The following PARN variants were observed in gnomAD, a reference collection of about 807,000 sequenced individuals.
PARN encodes the protein poly(A)-specific ribonuclease.
PARN carries 71 observed loss-of-function variants against 102.8 expected under a neutral mutation model. That is an observed-to-expected ratio of 0.69 (90% CI 0.57 to 0.84). PARN has a LOEUF of 0.84. Ranked by LOEUF, PARN falls within the 40% of genes least tolerant of loss-of-function variation. The pLI is 0.00. For synonymous variants in PARN, 261 were observed against 252.9 expected, an observed-to-expected ratio of 1.03 and a Z score of -0.30; for missense variants, 782 against 760.9, an observed-to-expected ratio of 1.03 and a Z score of -0.33.
intron 21 of PARN, among the ~76,000 whole-genome samples, chr16:14,499,122 A>AT (rs1164119224): frequency 1.1e-4 from 16 of 152,358 alleles, no homozygotes; most frequent in African/African-American, 3.6e-4. Flanking sequence ...TAGGAGGACT[A>AT]TTCCAGCTCT....
intron 22 of PARN, among the ~76,000 whole-genome samples, chr16:14,464,995 G>A (rs1233873170): frequency 6.6e-6 from 1 of 152,054 alleles, no homozygotes; most frequent in Non-Finnish European, 1.5e-5. Flanking sequence ...GATAACAGAT[G>A]GAAATATGTA....
chr16:14,513,229 A>G (rs1965294322), intron 21 of PARN, among the ~76,000 whole-genome samples: 1 of 152,156 alleles, frequency 6.6e-6, no homozygotes, highest in South Asian at 2.1e-4. Flanking sequence ...CTGGCCAAAA[A>G]TATTTTCAAA....
At chr16:14,533,468 AG>A (rs1966470749) in intron 21 of PARN, among the ~76,000 whole-genome samples, 4 of 46,518 alleles carry the variant, frequency 8.6e-5, no homozygotes, top group Non-Finnish European at 1.1e-4. Context: ...GGAGAGGGAG[AG>A]GGAGAGGGAG....
intron 21 of PARN, among the ~76,000 whole-genome samples, chr16:14,547,691 C>G (rs1472778856): frequency 1.3e-5 from 2 of 151,638 alleles, no homozygotes; most frequent in Non-Finnish European, 2.9e-5. Flanking sequence ...GCTTGGGCAA[C>G]AGAGTGAAAC....
chr16:14,612,146 T>A (rs1274464841), intron 6 of PARN, among the ~76,000 whole-genome samples: 2 of 151,948 alleles, frequency 1.3e-5, no homozygotes, highest in Non-Finnish European at 2.9e-5. Flanking sequence ...AAATCAAGAG[T>A]AACACCTTGC....
chr16:14,525,184 C>T (rs567822225), intron 21 of PARN, among the ~76,000 whole-genome samples: 6 of 152,270 alleles, frequency 3.9e-5, no homozygotes, highest in South Asian at 4.1e-4. Flanking sequence ...CTAGTAAATG[C>T]GCCTCTCTAC....
intron 7 of PARN, among the ~76,000 whole-genome samples, chr16:14,610,027 CAT>C (rs1258519789): frequency 2.0e-5 from 3 of 151,988 alleles, no homozygotes; most frequent in Admixed American, 1.3e-4. Context: ...GCCTGGGAAA[CAT>C]AGTGAGATCC....
intron 6 of PARN, among the ~76,000 whole-genome samples, chr16:14,615,452 G>A (rs1341636120): frequency 1.3e-5 from 2 of 152,100 alleles, no homozygotes; most frequent in Non-Finnish European, 2.9e-5. Context: ...TCAAGTATGA[G>A]ACGAATAAAA....
intron 5 of PARN, among the ~76,000 whole-genome samples, chr16:14,624,160 T>C (rs957100326): frequency 3.9e-5 from 6 of 152,192 alleles, no homozygotes; most frequent in African/African-American, 1.4e-4. Context: ...TATTAAATTG[T>C]TGTATCCTCA....
At chr16:14,578,007 A>C (rs965225791) in intron 18 of PARN, among the ~76,000 whole-genome samples, 13 of 152,068 alleles carry the variant, frequency 8.5e-5, no homozygotes, top group African/African-American at 3.1e-4. Context: ...ATGAATGCCT[A>C]TACTTAACCA....
In PARN at chr16:14,627,322, A is replaced by G. The variant is rs1403598118; in HGVS notation, c.192T>C (p.Phe64=). The change falls in exon 4 of 24, where the codon TTT becomes TTC. Residue 64 remains phenylalanine (F), a synonymous_variant. Coordinates refer to ENST00000437198, the MANE Select transcript of PARN (RefSeq NM_002582.4). ...TGCAAAGGCCAAACTGAAATAGCAA[A>G]AAGTCCATGGAATGCTGGAAAAGGG... The part of the protein sequence containing the change: ...YQKLKKHSMD[F]LLFQFGLCTF... The G allele has an allele frequency of 1.9e-6, 3 of 1,589,420 alleles. No individual in the cohort carries two copies. The highest frequency in any genetic ancestry group is 2.6e-6 in the Non-Finnish European group (3 of 1,166,894).
chr16:14,575,495 C>G (rs1262989892), intron 18 of PARN, among the ~76,000 whole-genome samples: 2 of 152,200 alleles, frequency 1.3e-5, no homozygotes, highest in East Asian at 3.8e-4. Context: ...TTCAGACTTG[C>G]ATAACTTGCC....
rs961268680 is a variant in PARN at position 14,533,392 on chromosome 16, C to T, written c.1480+18629G>A. ...CTTCGGCTTGGCATCAGAGGGAGAC[C>T]GTGGAAAGAGAGGGAGACCGTGGGG... On this transcript the variant is annotated intron_variant, in intron 21 of 23. Coordinates refer to ENST00000437198, the MANE Select transcript of PARN (RefSeq NM_002582.4). Among the ~76,000 whole-genome samples the T allele has an allele frequency of 1.2e-4, 15 of 124,402 alleles. No individual in the cohort carries two copies. The Admixed American group carries it at 1.6e-3, about 13-fold the overall frequency. The allele number at this position is 124,402 out of a possible 152,430, so 81.6% of individuals were successfully genotyped here. A position where few individuals can be genotyped will look rare whatever the true frequency, so the allele number is the denominator to read the frequency against.
chr16:14,482,532 C>A, intron 22 of PARN, 106 bp downstream of exon 22: 1 of 841,028 alleles, frequency 1.2e-6, no homozygotes. Flanking sequence ...GTTGAAAGGC[C>A]ATCTTTCCCA....
At chr16:14,626,130 C>T (rs2151821686) in intron 5 of PARN, among the ~76,000 whole-genome samples, 1 of 152,190 alleles carries the variant, frequency 6.6e-6, no homozygotes, top group East Asian at 1.9e-4. Context: ...CCCCCCTTTC[C>T]TAATTAGTGA....
chr16:14,623,089 G>C (rs1972420645), intron 5 of PARN, among the ~76,000 whole-genome samples: 1 of 148,660 alleles, frequency 6.7e-6, no homozygotes, highest in Non-Finnish European at 1.5e-5. Context: ...TGGTGACAGA[G>C]ACTCTGTCTC....
chr16:14,444,763 A>T (rs1961120009), intron 23 of PARN, among the ~76,000 whole-genome samples: 1 of 152,194 alleles, frequency 6.6e-6, no homozygotes, highest in Non-Finnish European at 1.5e-5. Flanking sequence ...CAGTGGTAAT[A>T]AAGGTATGAA....
chr16:14,465,695 A>T (rs1233687432), intron 22 of PARN, among the ~76,000 whole-genome samples: 1 of 152,190 alleles, frequency 6.6e-6, no homozygotes, highest in Non-Finnish European at 1.5e-5. Context: ...AAGGATCTAG[A>T]ATAGCCAAAA....
At chr16:14,630,037 A>T (rs1972941810) in intron 1 of PARN, 70 bp downstream of exon 1, 6 of 1,392,754 alleles carry the variant, frequency 4.3e-6, no homozygotes, top group South Asian at 3.7e-5. Context: ...CACGCCGGCC[A>T]TGGTCTCGGC....
Sources: allele counts gnomAD v4.1 joint callset (sites outside exome capture counted in the v4.1 genomes callset), GRCh38; gene constraint gnomAD v4.1.1; transcripts MANE v1.5; gene names NCBI Gene and HGNC (gene_info 2026-07-23, HGNC 2026-07-21).